NEDD9: variants seen among roughly 807,000 people sequenced by gnomAD.
The protein encoded by NEDD9 is neural precursor cell expressed, developmentally down-regulated 9, also known as enhancer of filamentation 1.
In NEDD9, 26 loss-of-function variants were observed where a neutral mutation model predicts 76.6. The observed-to-expected ratio is 0.34, with a 90% CI of 0.25 to 0.47. The LOEUF is 0.47. Among genes scored for constraint, NEDD9 ranks in the 20% least tolerant of loss-of-function variants. NEDD9 has a pLI of 1.00. For missense variants in NEDD9, 937 were observed against 1,058.5 expected (o/e 0.89, Z 1.59); for synonymous variants, 392 against 414.2 (o/e 0.95, Z 0.65).
chr6:11,231,470 C>T (rs909418886), intron 1 of NEDD9, among the ~76,000 whole-genome samples: 5 of 152,146 alleles, frequency 3.3e-5, no homozygotes, highest in Admixed American at 6.5e-5. Flanking sequence ...AGAAAAAAAG[C>T]GAAGTAGCTT....
At chr6:11,305,061 T>C in intron 3 of NEDD9, 1 of 1,276,844 alleles carries the variant, frequency 7.8e-7, no homozygotes, top group Non-Finnish European at 1.0e-6. Flanking sequence ...TCTTATTATA[T>C]TTACCTTGGA....
chr6:11,334,651 G>A (rs1762113550), intron 1 of NEDD9: 1 of 152,190 alleles, frequency 6.6e-6, no homozygotes, highest in South Asian at 2.1e-4. Flanking sequence ...TTAAATAAAT[G>A]TGGTTATGTT....
In NEDD9 at chr6:11,252,890, A is replaced by AT. The variant is rs894118222; in HGVS notation, c.13-39164dup. ...ACAGAAATGGAAGTGATAGGAATGTATTTTTTTTTTCTCCTAAACTTCAAA... is the reference window on the plus strand; with the variant it reads ...ACAGAAATGGAAGTGATAGGAATGTATTTTTTTTTTTCTCCTAAACTTCAAA... On this transcript the variant is annotated intron_variant, in intron 3 of 3. Transcript: ENST00000397378. The surrounding 1 kb of genome is among the most constrained non-coding windows in gnomAD (Gnocchi z 4.3). 1.5e-4 allele frequency among the ~76,000 whole-genome samples: 23 copies of AT among 150,494 alleles called. No individual in the cohort carries two copies. The highest frequency in any genetic ancestry group is 3.4e-3 in the Middle Eastern group (1 of 292).
At chr6:11,341,436 C>G (rs79032271) in intron 1 of NEDD9, among the ~76,000 whole-genome samples, 3,530 of 152,252 alleles carry the variant, frequency 0.023, 138 homozygotes, top group African/African-American at 0.076. Flanking sequence ...GTATGGGAAG[C>G]CCCTCCCTCA....
intron 2 of NEDD9, chr6:11,306,252 G>A (rs1761181221): frequency 3.7e-6 from 2 of 542,974 alleles, no homozygotes; most frequent in Admixed American, 3.1e-5. Context: ...AGCTGGAAAA[G>A]CCAAATCCAT....
intron 1 of NEDD9, among the ~76,000 whole-genome samples, chr6:11,223,346 T>C (rs1448531513): frequency 1.3e-5 from 2 of 152,218 alleles, no homozygotes; most frequent in African/African-American, 4.8e-5. Flanking sequence ...TGAGATTATT[T>C]ACTCCAAATG....
intron 2 of NEDD9, chr6:11,200,164 A>G: frequency 3.9e-6 from 1 of 256,422 alleles, no homozygotes; most frequent in Non-Finnish European, 8.4e-6. Context: ...AAGGGGGAAC[A>G]TTGGACTATA....
intron 6 of NEDD9, among the ~76,000 whole-genome samples, chr6:11,187,998 TA>T (rs112471803): frequency 6.6e-6 from 1 of 152,202 alleles, no homozygotes; most frequent in African/African-American, 2.4e-5. Flanking sequence ...GTTTAGCCTT[TA>T]AAAAAATTGC....
At chr6:11,375,631 G>A (rs780229594) in intron 1 of NEDD9, among the ~76,000 whole-genome samples, 2 of 152,032 alleles carry the variant, frequency 1.3e-5, no homozygotes, top group Non-Finnish European at 1.5e-5. Context: ...CTCAGTTAAC[G>A]CACCCAAGAT....
intron 2 of NEDD9, among the ~76,000 whole-genome samples, chr6:11,196,844 G>A (rs1310604154): frequency 6.6e-6 from 1 of 152,112 alleles, no homozygotes; most frequent in Non-Finnish European, 1.5e-5. Flanking sequence ...GTGACGTGTG[G>A]AAGATCAGGG....
intron 1 of NEDD9, among the ~76,000 whole-genome samples, chr6:11,374,852 A>C (rs768024833): frequency 2.0e-5 from 3 of 152,188 alleles, no homozygotes; most frequent in Non-Finnish European, 4.4e-5. Flanking sequence ...ATTTGCCCAC[A>C]ATCAGCATGG....
upstream of NEDD9, among the ~76,000 whole-genome samples, chr6:11,233,679 A>G (rs552337328): frequency 1.3e-5 from 2 of 152,326 alleles, no homozygotes; most frequent in Non-Finnish European, 1.5e-5. Context: ...TAAAGGTTCC[A>G]TTTTAGGATT....
chr6:11,289,218 A>G (rs1056613177), intron 3 of NEDD9, among the ~76,000 whole-genome samples: 5 of 152,272 alleles, frequency 3.3e-5, no homozygotes, highest in Non-Finnish European at 7.3e-5. Flanking sequence ...TGAGATGAAA[A>G]AGTGAACAAT....
At chr6:11,271,298 A>G (rs962070515) in intron 3 of NEDD9, 2 of 152,290 alleles carry the variant, frequency 1.3e-5, no homozygotes, top group Non-Finnish European at 2.9e-5. Context: ...TGGCCTCTCA[A>G]AGTGCTGAGG....
chr6:11,243,713 C>A (rs1203491534), intron 3 of NEDD9, among the ~76,000 whole-genome samples: 1 of 152,206 alleles, frequency 6.6e-6, no homozygotes, highest in Non-Finnish European at 1.5e-5. Flanking sequence ...AGCCTTTCTT[C>A]AAGGTTCCAT....
chr6:11,319,191 G>T (rs751230064), intron 2 of NEDD9, among the ~76,000 whole-genome samples: 25 of 152,230 alleles, frequency 1.6e-4, no homozygotes, highest in Non-Finnish European at 3.1e-4. Context: ...CCACATTTCA[G>T]CTTGGACAAC....
intron 3 of NEDD9, among the ~76,000 whole-genome samples, chr6:11,284,627 C>CTTCGGTTATTCA (rs1182858777): frequency 6.6e-6 from 1 of 151,320 alleles, no homozygotes; most frequent in African/African-American, 2.4e-5. Context: ...TTCAGTTCAG[C>CTTCGGTTATTCA]TTCGGTTATT....
chr6:11,350,522 A>G (rs555113491), intron 1 of NEDD9, among the ~76,000 whole-genome samples: 1 of 152,200 alleles, frequency 6.6e-6, no homozygotes, highest in Admixed American at 6.5e-5. Flanking sequence ...GGCAACCCCA[A>G]ACAGAAGTCT....
chr6:11,195,107 C>A (rs543477418), intron 2 of NEDD9, among the ~76,000 whole-genome samples: 4 of 152,236 alleles, frequency 2.6e-5, no homozygotes, highest in African/African-American at 4.8e-5. Flanking sequence ...AAATGCTCCA[C>A]GTCCATCTTA....
Sources: allele counts gnomAD v4.1 joint callset (sites outside exome capture counted in the v4.1 genomes callset), GRCh38; gene constraint gnomAD v4.1.1; non-coding constraint Gnocchi (gnomAD v3.1); transcripts MANE v1.5; gene names NCBI Gene and HGNC (gene_info 2026-07-23, HGNC 2026-07-21).